RETREG1: variants seen among roughly 807,000 people sequenced by gnomAD.
RETREG1 encodes the protein reticulophagy regulator 1.
In RETREG1, 44 loss-of-function variants were observed where a neutral mutation model predicts 54.8. The ratio of observed to expected loss-of-function variants is 0.80; its 90% CI spans 0.63 to 1.03. RETREG1 has a LOEUF of 1.03. Ranked by LOEUF, RETREG1 falls within the 50% of genes least tolerant of loss-of-function variation. The probability of loss-of-function intolerance (pLI) is 0.00; values close to 1 mark genes in which losing one functional copy is unlikely to be tolerated. For synonymous variants in RETREG1, 217 were observed against 238.5 expected, an observed-to-expected ratio of 0.91 and a Z score of 0.83; for missense variants, 554 against 605.1, an observed-to-expected ratio of 0.92 and a Z score of 0.89.
At chr5:16,506,465 TTTTG>T (rs1327945639) in intron 3 of RETREG1, among the ~76,000 whole-genome samples, 1 of 109,746 alleles carries the variant, frequency 9.1e-6, no homozygotes, top group East Asian at 2.2e-4. Context: ...ATTGCAATCT[TTTTG>T]TTTTTTTGTT....
At chr5:16,534,317 G>A (rs560811038) in intron 3 of RETREG1, among the ~76,000 whole-genome samples, 25 of 152,290 alleles carry the variant, frequency 1.6e-4, no homozygotes, top group African/African-American at 6.0e-4. Context: ...ATCAGTGTAT[G>A]TTCAGAGTAG....
rs1055258654 is a variant in RETREG1 at position 16,597,584 on chromosome 5, C to T, written c.320+19068G>A. On this transcript the variant is annotated intron_variant, in intron 1 of 8. Transcript: ENST00000306320. This position sits in a 1 kb window ranked among gnomAD's most constrained non-coding sequence, Gnocchi z 4.3. Reference sequence around the variant, plus strand: ...CTGAAGTCAGCCACACCTCCAGAACCCTCCCAGGGAGAAGGGCACTTCCAA... The same window carrying T: ...CTGAAGTCAGCCACACCTCCAGAACTCTCCCAGGGAGAAGGGCACTTCCAA... Among the ~76,000 whole-genome samples, 1 of 152,108 alleles carries T rather than the reference C, an allele frequency of 6.6e-6. No individual in the cohort carries two copies. The highest frequency in any genetic ancestry group is 2.4e-5 in the African/African-American group (1 of 41,424).
intron 2 of RETREG1, among the ~76,000 whole-genome samples, chr5:16,570,345 C>T (rs1490270558): frequency 1.3e-5 from 2 of 152,164 alleles, no homozygotes; most frequent in Admixed American, 6.5e-5. Context: ...ACAGCGGAAA[C>T]GATCTGTGTG....
intron 3 of RETREG1, among the ~76,000 whole-genome samples, chr5:16,524,602 G>A (rs1292595650): frequency 6.6e-6 from 1 of 152,186 alleles, no homozygotes; most frequent in South Asian, 2.1e-4. Context: ...TATAACCAAG[G>A]AGAATTTGTT....
In RETREG1 at chr5:16,474,402, G is replaced by A. The variant is rs1188931355; in HGVS notation, c.*339C>T. 4 of 219,858 alleles carry A rather than the reference G, an allele frequency of 1.8e-5. No homozygotes were observed. The highest frequency in any genetic ancestry group is 2.4e-4 in the East Asian group (2 of 8,310). The allele number at this position is 219,858 out of a possible 1,614,324, so 13.6% of individuals were successfully genotyped here. On this transcript the variant is annotated 3_prime_UTR_variant, in exon 9 of 9. Coordinates refer to ENST00000306320, the MANE Select transcript of RETREG1 (RefSeq NM_001034850.3). ...AACTGTTTTGCATGCTTGAAAAACTGTAAAGAAAAAGAATATTTATAGGAG... is the reference window on the plus strand; with the variant it reads ...AACTGTTTTGCATGCTTGAAAAACTATAAAGAAAAAGAATATTTATAGGAG...
intron 1 of RETREG1, among the ~76,000 whole-genome samples, chr5:16,582,393 ATT>A (rs11322422): frequency 2.0e-5 from 3 of 147,920 alleles, no homozygotes; most frequent in Non-Finnish European, 4.5e-5. Context: ...TATTTCTCCT[ATT>A]TTTTTTTTCT....
intron 3 of RETREG1, among the ~76,000 whole-genome samples, chr5:16,496,975 A>T (rs866089885): frequency 3.9e-5 from 6 of 152,214 alleles, no homozygotes; most frequent in Admixed American, 1.3e-4. Flanking sequence ...ATTTGGGCCC[A>T]GGCACAGGAG....
intron 2 of RETREG1, among the ~76,000 whole-genome samples, chr5:16,571,503 AT>A (rs34220516): frequency 0.44 from 65,895 of 148,534 alleles, 15,153 homozygotes; most frequent in Non-Finnish European, 0.53. Context: ...CCTCAGGCCA[AT>A]TTTTTTTTTT....
chr5:16,525,655 A>T (rs1002635827), intron 3 of RETREG1, among the ~76,000 whole-genome samples: 1 of 152,110 alleles, frequency 6.6e-6, no homozygotes, highest in Non-Finnish European at 1.5e-5. Context: ...AAACTAGGGG[A>T]TCAATTTAAG....
intron 3 of RETREG1, among the ~76,000 whole-genome samples, chr5:16,484,133 T>G (rs1302347575): frequency 6.6e-6 from 1 of 152,144 alleles, no homozygotes; most frequent in Non-Finnish European, 1.5e-5. Context: ...GAGTACATTT[T>G]CCTAATCATC....
intron 4 of RETREG1, among the ~76,000 whole-genome samples, chr5:16,481,819 C>G (rs1446370314): frequency 6.6e-6 from 1 of 151,994 alleles, no homozygotes; most frequent in Non-Finnish European, 1.5e-5. Context: ...CCTTAATTCC[C>G]TTTAGAAACA....
intron 2 of RETREG1, among the ~76,000 whole-genome samples, chr5:16,567,597 G>T (rs1448052695): frequency 6.6e-6 from 1 of 152,168 alleles, no homozygotes; most frequent in Non-Finnish European, 1.5e-5. Context: ...GGTGGCTGGG[G>T]GAGCCTCAGA....
intron 2 of RETREG1, among the ~76,000 whole-genome samples, chr5:16,567,473 C>A (rs1006631819): frequency 6.6e-6 from 1 of 152,210 alleles, no homozygotes; most frequent in Non-Finnish European, 1.5e-5. Flanking sequence ...GGGCCACAAT[C>A]CCTACTGAGA....
chr5:16,483,004 C>A, intron 4 of RETREG1: 1 of 242,550 alleles, frequency 4.1e-6, no homozygotes, highest in Non-Finnish European at 8.1e-6. Context: ...ATTTCATCTC[C>A]CTTTGACTTC....
At position 16,545,731 on chromosome 5, in the gene RETREG1, C is replaced by G. The variant is rs1337968936; in HGVS notation, c.458+20032G>C. ...TGGTTCCTGTTCCTAGCATTTCTTTCTCTCAGCTTCCATAAGATGCCCCAA... is the reference window on the plus strand; with the variant it reads ...TGGTTCCTGTTCCTAGCATTTCTTTGTCTCAGCTTCCATAAGATGCCCCAA... On this transcript the variant is annotated intron_variant, in intron 3 of 8. Coordinates refer to ENST00000306320, the MANE Select transcript of RETREG1 (RefSeq NM_001034850.3). 2.6e-5 allele frequency among the ~76,000 whole-genome samples: 4 copies of G among 152,188 alleles called. No homozygotes were observed. The East Asian group carries it at 7.7e-4, about 29-fold the overall frequency.
intron 3 of RETREG1, among the ~76,000 whole-genome samples, chr5:16,501,342 T>A (rs1404433527): frequency 6.6e-6 from 1 of 152,178 alleles, no homozygotes; most frequent in Non-Finnish European, 1.5e-5. Flanking sequence ...CAGCATTGCA[T>A]GGTTCTAAAA....
chr5:16,544,126 C>T (rs1022195165), intron 3 of RETREG1, among the ~76,000 whole-genome samples: 182 of 151,984 alleles, frequency 1.2e-3, no homozygotes, highest in African/African-American at 4.1e-3. Flanking sequence ...CAGGCGCCCA[C>T]CACCACACCA....
chr5:16,550,669 A>G (rs1695255999), intron 3 of RETREG1, among the ~76,000 whole-genome samples: 1 of 152,206 alleles, frequency 6.6e-6, no homozygotes, highest in Non-Finnish European at 1.5e-5. Flanking sequence ...AAAACCAAAC[A>G]AAATAAAACC....
At chr5:16,503,542 G>A (rs959802360) in intron 3 of RETREG1, among the ~76,000 whole-genome samples, 6 of 151,520 alleles carry the variant, frequency 4.0e-5, no homozygotes, top group South Asian at 2.1e-4. Flanking sequence ...GGTGGCAGGC[G>A]CCTGTAATCA....
Sources: allele counts gnomAD v4.1 joint callset (sites outside exome capture counted in the v4.1 genomes callset), GRCh38; gene constraint gnomAD v4.1.1; non-coding constraint Gnocchi (gnomAD v3.1); transcripts MANE v1.5; gene names NCBI Gene and HGNC (gene_info 2026-07-23, HGNC 2026-07-21).